The following MAPK15 variants were observed in gnomAD, a reference collection of about 807,000 sequenced individuals.
MAPK15 encodes the protein ERK-7.
In MAPK15, 61 loss-of-function variants were observed where a neutral mutation model predicts 60.8. The observed-to-expected ratio is 1.00, with a 90% confidence interval of 0.82 to 1.24. The LOEUF (loss-of-function observed/expected upper bound fraction) is 1.24, where lower values mean the gene tolerates loss of function less well. Among genes scored for constraint, MAPK15 ranks in the 50% most tolerant of loss-of-function variants. The pLI is 0.00. For synonymous variants in MAPK15, 356 were observed against 319.9 expected, an observed-to-expected ratio of 1.11 and a Z score of -1.21; for missense variants, 808 against 741.1, an observed-to-expected ratio of 1.09 and a Z score of -1.05.
chr8:143,720,809 A>C lies in MAPK15; in HGVS notation c.886A>C (p.Thr296Pro), dbSNP rs1554619555. ...CGCCCCGGACAAGCGGTTAAGCGCG[A>C]CCCAGGCACTGCAGCACCCCTACGT... ...VFAPDKRLSA[T>P]QALQHPYVQR... The change falls in exon 9 of 14, where the codon ACC (threonine) becomes CCC (proline). Residue 296 changes from threonine (T) to proline (P), a missense_variant. By Grantham distance (38) the Thr-to-Pro change is conservative. Coordinates refer to ENST00000338033, the MANE Select transcript of MAPK15 (RefSeq NM_139021.3). This position sits in a 1 kb window ranked among gnomAD's most constrained non-coding sequence, Gnocchi z 4.6. The C allele has an allele frequency of 1.9e-6, 3 of 1,613,296 alleles. No individual in the cohort carries two copies. The highest frequency in any genetic ancestry group is 2.5e-6 in the Non-Finnish European group (3 of 1,179,832).
chr8:143,719,924 C>T (rs1052362379), intron 7 of MAPK15, among the ~76,000 whole-genome samples: 1 of 152,030 alleles, frequency 6.6e-6, no homozygotes, highest in Non-Finnish European at 1.5e-5. Flanking sequence ...GGGAGCTGCA[C>T]CGCCAGGCAT....
intron 6 of MAPK15, 21 bp downstream of exon 6, chr8:143,719,177 AC>A (rs5895782): frequency 0.95 from 1,426,404 of 1,498,006 alleles, 684,489 homozygotes; most frequent in Non-Finnish European, 0.98. Flanking sequence ...GACATCCCCA[AC>A]CCCCCCTCCA....
Position 143,721,670 on chromosome 8 carries a change from G to T in MAPK15, c.1326G>T (p.Ser442=). 4 of 1,608,748 alleles carry T rather than the reference G, an allele frequency of 2.5e-6. No individual in the cohort carries two copies. The highest frequency in any genetic ancestry group is 3.4e-6 in the Non-Finnish European group (4 of 1,176,916). Residue 442 remains serine (S), a synonymous_variant, in exon 12 of 14, where the codon TCG becomes TCT. Coordinates refer to ENST00000338033, the MANE Select transcript of MAPK15 (RefSeq NM_139021.3). ...AGGAAGCGCCCCCCTTGACACTCTC[G>T]CTGGTAAGTCATGGTGGGGCGGGCA... is the stretch of plus-strand genomic sequence containing the variant. ...GAKEAPPLTL[S]LVKPSGRGAA... is the part of the protein sequence containing the mutation.
At position 143,720,666 on chromosome 8, in the gene MAPK15, G is replaced by A. The variant is rs782212029; in HGVS notation, c.780-37G>A. ...AACATGGATCTGAGGAGGGGCCCTT[G>A]GGTCGGGCCCTGGAGACGACACACG... is the stretch of plus-strand genomic sequence containing the variant. On this transcript the variant is annotated intron_variant, in intron 8 of 13. Coordinates refer to ENST00000338033, the MANE Select transcript of MAPK15 (RefSeq NM_139021.3). The surrounding 1 kb of genome is among the most constrained non-coding windows in gnomAD (Gnocchi z 4.6). 15 of 1,589,712 alleles carry A rather than the reference G, an allele frequency of 9.4e-6. No individual in the cohort carries two copies. In the South Asian group the frequency reaches 1.7e-4, roughly 18 times the overall value.
chr8:143,717,218 C>T (rs562452646), intron 1 of MAPK15, among the ~76,000 whole-genome samples: 12 of 135,298 alleles, frequency 8.9e-5, no homozygotes, highest in Non-Finnish European at 1.5e-4. Context: ...TGGGTGTGCA[C>T]GGGAGCGGCA....
rs1554619963 is a variant in MAPK15 at position 143,721,769 on chromosome 8, G to T, written c.1347G>T (p.Arg449Ser). The T allele has an allele frequency of 6.2e-7, 1 of 1,613,512 alleles. No individual in the cohort carries two copies. The highest frequency in any genetic ancestry group is 1.7e-5 in the Admixed American group (1 of 59,992). The change falls in exon 13 of 14, where the codon AGG becomes AGT. Residue 449 changes from arginine to serine, a missense_variant. Coordinates refer to ENST00000338033, the MANE Select transcript of MAPK15 (RefSeq NM_139021.3). ...LTLSLVKPSG[R>S]GAAPSLTSQA... is the part of the protein sequence containing the mutation. ...CTTCCCAGGTGAAGCCAAGCGGGAGGGGAGCTGCGCCCTCCCTGACCTCCC... is the reference window on the plus strand; with the variant it reads ...CTTCCCAGGTGAAGCCAAGCGGGAGTGGAGCTGCGCCCTCCCTGACCTCCC...
In MAPK15 at chr8:143,718,983, CTCTCTG is replaced by C; in HGVS notation, c.418-9_418-4del. 1 of 1,604,782 alleles carries C rather than the reference CTCTCTG, an allele frequency of 6.2e-7. No individual in the cohort carries two copies. Among genetic ancestry groups the C allele is most frequent in the Non-Finnish European group, 8.5e-7 (1 of 1,175,572 alleles). On this transcript the variant is annotated splice_region_variant and splice_polypyrimidine_tract_variant and intron_variant, in intron 5 of 13. Transcript: ENST00000338033. ...CAGCCCCGGGGCCTCAGCCTGCCTC[CTCTCTG>C]CAGCCGTCCAATGTGCTCCTGGATG...
chr8:143,717,094 G>C (rs1309691428), intron 1 of MAPK15, among the ~76,000 whole-genome samples: 4 of 152,172 alleles, frequency 2.6e-5, no homozygotes, highest in East Asian at 1.9e-4. Context: ...GTCCGATCGT[G>C]TGGGAGCTTT....
Position 143,721,409 on chromosome 8 carries a change from A to G in MAPK15, c.1202A>G (p.His401Arg), listed in dbSNP as rs1818060735. Residue 401 changes from histidine (H) to arginine (R), a missense_variant and splice_region_variant, in exon 11 of 14, where the codon CAC (histidine) becomes CGC (arginine). His to Arg is a conservative substitution (Grantham distance 29, BLOSUM62 0). Coordinates refer to ENST00000338033, the MANE Select transcript of MAPK15 (RefSeq NM_139021.3). Reference protein sequence around the residue: ...QSSPGHDPAEHESPRAAKNVP... With the variant: ...QSSPGHDPAERESPRAAKNVP... ...AGCCCAGGCCATGACCCTGCCGAGCACGGTGTGTGATCTTTGCTGGCCGCC... is the reference window on the plus strand; with the variant it reads ...AGCCCAGGCCATGACCCTGCCGAGCGCGGTGTGTGATCTTTGCTGGCCGCC... 1.9e-6 allele frequency: 3 copies of G among 1,610,652 alleles called. No homozygotes were observed. The highest frequency in any genetic ancestry group is 2.2e-5 in the East Asian group (1 of 44,812).
rs782575991 is a variant in MAPK15, at chr8:143,720,843, G to T, written c.917+3G>T. 1.2e-6 allele frequency: 2 copies of T among 1,610,920 alleles called. No individual in the cohort carries two copies. Among genetic ancestry groups the T allele is most frequent in the Non-Finnish European group, 8.5e-7 (1 of 1,179,248 alleles). ...CTGCAGCACCCCTACGTGCAGAGGT[G>T]GGGGTGGGAGAGAGTCCCCCAAGTG... On this transcript the variant is annotated splice_donor_region_variant and intron_variant, in intron 9 of 13. Transcript: ENST00000338033. This position sits in a 1 kb window ranked among gnomAD's most constrained non-coding sequence, Gnocchi z 4.6.
In MAPK15 at chr8:143,721,940, C is replaced by T. The variant is rs1391482586; in HGVS notation, c.1458+60C>T. The T allele has an allele frequency of 5.3e-6, 8 of 1,520,086 alleles. No individual in the cohort carries two copies. In the East Asian group the frequency reaches 1.1e-4, roughly 22 times the overall value. The allele number at this position is 1,520,086 out of a possible 1,614,324, so 94.2% of individuals were successfully genotyped here. On this transcript the variant is annotated intron_variant, in intron 13 of 13. Transcript: ENST00000338033. Reference sequence around the variant, plus strand: ...CCTCCTTTCCCCTTTCCCCTTCCCCCCTGCTTTTCCCTCCCTTCCCCATGC... The same window carrying T: ...CCTCCTTTCCCCTTTCCCCTTCCCCTCTGCTTTTCCCTCCCTTCCCCATGC...
chr8:143,719,215 AG>A, intron 6 of MAPK15, 59 bp downstream of exon 6: 5 of 1,486,374 alleles, frequency 3.4e-6, no homozygotes, highest in Non-Finnish European at 4.5e-6. Context: ...CTGCCCAGCC[AG>A]GGCTCCCAGG....
intron 1 of MAPK15, 48 bp downstream of exon 1, chr8:143,716,491 G>A (rs535611365): frequency 6.4e-7 from 1 of 1,555,488 alleles, no homozygotes; most frequent in Admixed American, 1.9e-5. Context: ...CGGCAGATCT[G>A]CGGAGAGAGG....
chr8:143,719,889 G>T (rs535112904), intron 7 of MAPK15, among the ~76,000 whole-genome samples: 70 of 152,156 alleles, frequency 4.6e-4, no homozygotes, highest in African/African-American at 1.7e-3. Flanking sequence ...GGCCATGGGG[G>T]TCACTCTTGA....
rs782780054 is a variant in MAPK15 at position 143,721,762 on chromosome 8, G to C, written c.1340G>C (p.Ser447Thr). Residue 447 changes from serine (S) to threonine (T), a missense_variant, in exon 13 of 14, where the codon AGC (serine) becomes ACC (threonine). Coordinates refer to ENST00000338033, the MANE Select transcript of MAPK15 (RefSeq NM_139021.3). ...CATGGCCCTTCCCAGGTGAAGCCAA[G>C]CGGGAGGGGAGCTGCGCCCTCCCTG... ...PPLTLSLVKP[S>T]GRGAAPSLTS... 3 of 1,613,546 alleles carry C rather than the reference G, an allele frequency of 1.9e-6. No individual in the cohort carries two copies. The South Asian group carries it at 3.3e-5, about 18-fold the overall frequency.
In MAPK15 at chr8:143,720,196, C is replaced by G. The variant is rs373518212; in HGVS notation, c.722-34C>G. On this transcript the variant is annotated intron_variant, in intron 7 of 13. Coordinates refer to ENST00000338033, the MANE Select transcript of MAPK15 (RefSeq NM_139021.3). This position sits in a 1 kb window ranked among gnomAD's most constrained non-coding sequence, Gnocchi z 4.6. The stretch of plus-strand genomic sequence containing the variant: ...CCCTGAGCCGCCCCAGCCGACCAGG[C>G]CTGCCTGGGTCACACCACCTTCTGC... 2 of 1,550,964 alleles carry G rather than the reference C, an allele frequency of 1.3e-6. No individual in the cohort carries two copies. Among genetic ancestry groups the G allele is most frequent in the African/African-American group, 1.4e-5 (1 of 73,258 alleles).
Position 143,722,219 on chromosome 8 carries a change from C to A in MAPK15, c.1603C>A (p.His535Asn). 6.3e-7 allele frequency: 1 copy of A among 1,599,226 alleles called. No homozygotes were observed. The highest frequency in any genetic ancestry group is 8.5e-7 in the Non-Finnish European group (1 of 1,172,476). Residue 535 changes from histidine (H) to asparagine (N), a missense_variant, in exon 14 of 14, where the codon CAC becomes AAC. Transcript: ENST00000338033. ...YGTVCHSALG[H>N]LPLLEGHHV ...GACTGTCTGCCACTCGGCACTGGGC[C>A]ACCTGCCCCTGCTGGAGGGGCACCA...
intron 2 of MAPK15, 24 bp downstream of exon 2, chr8:143,717,816 G>A (rs370938801): frequency 1.5e-5 from 24 of 1,599,026 alleles, no homozygotes; most frequent in Non-Finnish European, 8.5e-7. Flanking sequence ...GAGAAGCGTG[G>A]GAGAGGATGG....
chr8:143,719,049 G>C lies in MAPK15; in HGVS notation c.474G>C (p.Leu158=). 1 of 1,595,614 alleles carries C rather than the reference G, an allele frequency of 6.3e-7. No homozygotes were observed. The highest frequency in any genetic ancestry group is 1.7e-4 in the Middle Eastern group (1 of 6,034). The change falls in exon 6 of 14, where the codon CTG becomes CTC. Residue 158 remains leucine, a synonymous_variant. Transcript: ENST00000338033. Reference sequence around the variant, plus strand: ...CAGTGAAGCTGTGTGACTTTGGCCTGGCCCGCTCCCTGGGCGACCTCCCCG... The same window carrying C: ...CAGTGAAGCTGTGTGACTTTGGCCTCGCCCGCTCCCTGGGCGACCTCCCCG... ...NCTVKLCDFG[L]ARSLGDLPEG...
Sources: gnomAD v4.1 joint callset for allele counts (sites outside exome capture counted in the v4.1 genomes callset) on GRCh38, gnomAD v4.1.1 for gene constraint, Gnocchi (gnomAD v3.1) non-coding constraint, MANE v1.5 for transcripts, NCBI Gene and HGNC (gene_info 2026-07-23, HGNC 2026-07-21) for gene names.